Variants in PLCXD1 observed in about 807,000 individuals in gnomAD.
The protein encoded by PLCXD1 is PI-PLC X domain-containing protein 1.
A neutral mutation model predicts 37.8 loss-of-function variants in PLCXD1; 45 were observed. The observed-to-expected ratio is 1.19, with a 90% confidence interval of 0.94 to 1.53. PLCXD1 has a LOEUF of 1.53. PLCXD1 is among the 40% of genes most tolerant of loss of function. PLCXD1 has a pLI of 0.00. For missense variants in PLCXD1, 539 were observed against 454.7 expected (o/e 1.19, Z -1.69); for synonymous variants, 246 against 206.9 (o/e 1.19, Z -1.62).
At chrX:286,779 G>A (rs945238411) in intron 2 of PLCXD1, among the ~76,000 whole-genome samples, 2 of 152,158 alleles carry the variant, frequency 1.3e-5, no homozygotes, top group Non-Finnish European at 2.9e-5. Context: ...GGGTGGTGGT[G>A]CCAAGGTTGT....
upstream of PLCXD1, among the ~76,000 whole-genome samples, chrX:279,695 A>G (rs1346429672): frequency 6.6e-6 from 1 of 151,826 alleles, no homozygotes; most frequent in Non-Finnish European, 1.5e-5. Context: ...AATAGCTTGA[A>G]TCCAGGAGGC....
chrX:277,346 C>T (rs1244551269), upstream of PLCXD1, among the ~76,000 whole-genome samples: 3 of 47,460 alleles, frequency 6.3e-5, no homozygotes, highest in Non-Finnish European at 8.2e-5. Context: ...GGTTGGGGAA[C>T]GTGGGGACAG....
chrX:292,120 T>G (rs1396250329), intron 5 of PLCXD1, among the ~76,000 whole-genome samples: 1 of 151,314 alleles, frequency 6.6e-6, no homozygotes. Flanking sequence ...GCCAACATGG[T>G]GAAACCCCGT....
chrX:284,636 C>T (rs1298085852), intron 2 of PLCXD1, among the ~76,000 whole-genome samples: 1 of 146,990 alleles, frequency 6.8e-6, no homozygotes, highest in Non-Finnish European at 1.5e-5. Flanking sequence ...ACACGCACAT[C>T]TGCACACACA....
Position 299,986 on chromosome X carries a change from G to C in PLCXD1, c.*651G>C, listed in dbSNP as rs1358478789. 2 of 151,752 alleles carry C rather than the reference G, an allele frequency of 1.3e-5. No individual in the cohort carries two copies. Among genetic ancestry groups the C allele is most frequent in the African/African-American group, 2.4e-5 (1 of 41,032 alleles). 9.4% of individuals were successfully genotyped at this position (151,752 alleles called of 1,614,324 possible). A position where few individuals can be genotyped will look rare whatever the true frequency, so the allele number is the denominator to read the frequency against. On this transcript the variant is annotated 3_prime_UTR_variant, in exon 7 of 7. Transcript: ENST00000381657. Reference sequence around the variant, plus strand: ...GAGAATGGCGTGAACCCGGGAGGTGGAGGTTGCATTGAGCTGAGATCGTGC... The same window carrying C: ...GAGAATGGCGTGAACCCGGGAGGTGCAGGTTGCATTGAGCTGAGATCGTGC...
rs1556023642 is a variant in PLCXD1, at chrX:300,442, G to GCA, written c.*1107_*1108insCA. The GCA allele has an allele frequency of 2.0e-5, 3 of 151,084 alleles. No individual in the cohort carries two copies. Among genetic ancestry groups the GCA allele is most frequent in the Non-Finnish European group, 4.4e-5 (3 of 67,690 alleles). The allele number at this position is 151,084 out of a possible 1,614,324, so 9.4% of individuals were successfully genotyped here. On this transcript the variant is annotated 3_prime_UTR_variant, in exon 7 of 7. Coordinates refer to ENST00000381657, the MANE Select transcript of PLCXD1 (RefSeq NM_018390.4). ...TATATATCGGTGTGTATATATGTAT[G>GCA]TATGTTTATACATGTGTATATGTGT...
intron 6 of PLCXD1, among the ~76,000 whole-genome samples, chrX:298,728 GCC>G (rs1436577214): frequency 9.7e-5 from 6 of 61,746 alleles, no homozygotes; most frequent in Non-Finnish European, 1.2e-4. Flanking sequence ...CATCTTTGGG[GCC>G]ATTATCCTGT....
chrX:283,526 G>T (rs1283598086), intron 1 of PLCXD1: 1 of 150,980 alleles, frequency 6.6e-6, no homozygotes, highest in Non-Finnish European at 1.5e-5. Context: ...TGAGGGTAGT[G>T]GGGGCGGCCG....
chrX:279,481 T>G (rs898474777), upstream of PLCXD1, among the ~76,000 whole-genome samples: 3 of 152,098 alleles, frequency 2.0e-5, no homozygotes, highest in African/African-American at 7.2e-5. Flanking sequence ...GTTGAAAGAG[T>G]TATTATTAGG....
chrX:299,216 C>G lies in PLCXD1; in HGVS notation c.853C>G (p.Arg285Gly), dbSNP rs776525518. ...PNLPRLSAWV[R>G]EQCPGPGSRC... ...CCTTCCGCGGCTGAGCGCGTGGGTC[C>G]GAGAGCAGTGCCCGGGGCCGGGTTC... Residue 285 changes from arginine (R) to glycine (G), a missense_variant, in exon 7 of 7, where the codon CGA (arginine) becomes GGA (glycine). By Grantham distance (125) the Arg-to-Gly change is moderately radical. Coordinates refer to ENST00000381657, the MANE Select transcript of PLCXD1 (RefSeq NM_018390.4). The G allele has an allele frequency of 1.2e-6, 2 of 1,613,746 alleles. No homozygotes were observed. Among genetic ancestry groups the G allele is most frequent in the Non-Finnish European group, 1.7e-6 (2 of 1,179,856 alleles).
intron 2 of PLCXD1, 59 bp downstream of exon 2, chrX:284,373 C>T (rs2069377689): frequency 5.0e-6 from 8 of 1,597,056 alleles, no homozygotes; most frequent in Admixed American, 3.4e-5. Flanking sequence ...CAGGGTGGGG[C>T]GGGAGCTGTG....
At chrX:287,559 CTA>C (rs1421991312) in intron 2 of PLCXD1, among the ~76,000 whole-genome samples, 3 of 88,774 alleles carry the variant, frequency 3.4e-5, no homozygotes, top group African/African-American at 6.4e-5. Context: ...GATATAGATA[CTA>C]TATATGTTTA....
At chrX:296,992 T>C (rs1346704668) in intron 6 of PLCXD1, among the ~76,000 whole-genome samples, 3 of 59,250 alleles carry the variant, frequency 5.1e-5, no homozygotes, top group East Asian at 4.9e-4. Context: ...ACATGGGGAT[T>C]AGGACGTGGA....
chrX:287,486 A>G (rs2069488310), intron 2 of PLCXD1, among the ~76,000 whole-genome samples: 1 of 129,524 alleles, frequency 7.7e-6, no homozygotes, highest in Non-Finnish European at 1.5e-5. Flanking sequence ...ATATGTTTAT[A>G]TATAGATATA....
chrX:287,996 G>A (rs922239321), intron 2 of PLCXD1, among the ~76,000 whole-genome samples: 1 of 151,958 alleles, frequency 6.6e-6, no homozygotes, highest in Non-Finnish European at 1.5e-5. Context: ...CTCTAGGGGA[G>A]GGTCCTTCCT....
chrX:290,345 G>T (rs758321507), intron 3 of PLCXD1, among the ~76,000 whole-genome samples: 1 of 151,914 alleles, frequency 6.6e-6, no homozygotes, highest in African/African-American at 2.4e-5. Flanking sequence ...CAGGAGAACG[G>T]CATGAACCCG....
At position 291,525 on chromosome X, in the gene PLCXD1, G is replaced by C; in HGVS notation, c.420G>C (p.Trp140Cys). Residue 140 changes from tryptophan (W) to cysteine (C), a missense_variant, in exon 5 of 7, where the codon TGG (tryptophan) becomes TGC (cysteine). Transcript: ENST00000381657. ...VEDTLTEISE[W>C]LERHPREVVI... The stretch of plus-strand genomic sequence containing the variant: ...ACACACTCACGGAAATCTCGGAGTG[G>C]CTGGAGCGGCATCCACGCGAGGTGG... 1 of 1,612,752 alleles carries C rather than the reference G, an allele frequency of 6.2e-7. No individual in the cohort carries two copies. Among genetic ancestry groups the C allele is most frequent in the Non-Finnish European group, 8.5e-7 (1 of 1,179,844 alleles).
chrX:278,792 C>T (rs59876167), upstream of PLCXD1, among the ~76,000 whole-genome samples: 21,055 of 125,366 alleles, frequency 0.17, 1,705 homozygotes, highest in East Asian at 0.37. Context: ...CGCCTGTGAC[C>T]GAGCCTCAGG....
At chrX:291,477 A>G (rs2124367807) in intron 4 of PLCXD1, 22 bp from the exon 5 acceptor site, 1 of 1,611,742 alleles carries the variant, frequency 6.2e-7, no homozygotes, top group East Asian at 2.2e-5. Context: ...TGCAGGACTC[A>G]GCCCAGCACC....
Sources: gnomAD v4.1 joint callset for allele counts (sites outside exome capture counted in the v4.1 genomes callset) on GRCh38, gnomAD v4.1.1 for gene constraint, MANE v1.5 for transcripts, NCBI Gene and HGNC (gene_info 2026-07-23, HGNC 2026-07-21) for gene names.